Variants in NSUN6 observed in about 807,000 individuals in gnomAD.
NSUN6 encodes the protein tRNA (cytosine(72)-C(5))-methyltransferase NSUN6.
Under a neutral mutation model 58.0 loss-of-function variants are expected in NSUN6, and 64 were observed. The observed-to-expected ratio is 1.10, with a 90% CI of 0.90 to 1.36. The LOEUF is 1.36. Ranked by LOEUF, NSUN6 falls within the 40% of genes most tolerant of loss-of-function variation. The pLI is 0.00. For missense variants in NSUN6, 701 were observed against 550.1 expected (o/e 1.27, Z -2.74); for synonymous variants, 231 against 193.9 (o/e 1.19, Z -1.59).
chr10:18,604,682 A>C (rs11015099), intron 6 of NSUN6, among the ~76,000 whole-genome samples: 1 of 151,418 alleles, frequency 6.6e-6, no homozygotes, highest in African/African-American at 2.4e-5. Context: ...TCAGGAGTTC[A>C]AGACCAGCCT....
chr10:18,567,600 CATTCCATTCTCTATTCCATTCCATTCTCT>C (rs1366814768), intron 8 of NSUN6, among the ~76,000 whole-genome samples: 13 of 149,590 alleles, frequency 8.7e-5, no homozygotes, highest in Non-Finnish European at 1.6e-4. Flanking sequence ...TTCCATTCTC[CATTCCATTCTCTATTCCATTCCATTCTCT>C]ATTCCATTCT....
At chr10:18,554,503 T>A (rs758483822) in intron 8 of NSUN6, among the ~76,000 whole-genome samples, 28 of 148,508 alleles carry the variant, frequency 1.9e-4, no homozygotes, top group Non-Finnish European at 3.3e-4. Context: ...GAGAATGGAA[T>A]GGAATCAATC....
intron 3 of NSUN6, among the ~76,000 whole-genome samples, chr10:18,623,852 G>C (rs2058694636): frequency 6.6e-6 from 1 of 152,138 alleles, no homozygotes; most frequent in African/African-American, 2.4e-5. Context: ...TGCTCACCAG[G>C]ACTAGAGAAA....
intron 8 of NSUN6, among the ~76,000 whole-genome samples, chr10:18,584,645 C>T (rs1036254411): frequency 4.6e-5 from 7 of 152,240 alleles, no homozygotes; most frequent in East Asian, 3.9e-4. Flanking sequence ...AAATGACCCA[C>T]ATTTGATGAA....
At chr10:18,645,631 CTGATGT>C (rs2059524996) in intron 2 of NSUN6, among the ~76,000 whole-genome samples, 1 of 152,098 alleles carries the variant, frequency 6.6e-6, no homozygotes, top group South Asian at 2.1e-4. Flanking sequence ...TACTTAAGAG[CTGATGT>C]ATATTTGGAG....
chr10:18,555,223 T>A (rs979096848), intron 8 of NSUN6, among the ~76,000 whole-genome samples: 8 of 129,726 alleles, frequency 6.2e-5, no homozygotes, highest in African/African-American at 2.4e-4. Flanking sequence ...GAATGGAGGA[T>A]GAAATGGAAT....
intron 8 of NSUN6, among the ~76,000 whole-genome samples, chr10:18,554,709 G>T (rs117022702): frequency 0.049 from 7,360 of 150,862 alleles, 276 homozygotes; most frequent in Non-Finnish European, 0.078. Flanking sequence ...CAGAATGGAA[G>T]AGAGAATGCA....
chr10:18,566,382 T>C (rs150927871), intron 8 of NSUN6, among the ~76,000 whole-genome samples: 6 of 150,346 alleles, frequency 4.0e-5, no homozygotes, highest in African/African-American at 1.5e-4. Flanking sequence ...CATTCCATTC[T>C]CCATTCCATT....
chr10:18,628,453 C>G (rs532605147), intron 3 of NSUN6, among the ~76,000 whole-genome samples: 7 of 152,198 alleles, frequency 4.6e-5, no homozygotes, highest in Non-Finnish European at 1.0e-4. Flanking sequence ...GACCAAATTA[C>G]TCCGAGCTAC....
In NSUN6 at chr10:18,616,183, C is replaced by A; in HGVS notation, c.421+1G>T. On this transcript the variant is annotated splice_donor_variant, in intron 4 of 10. Transcript: ENST00000377304. LOFTEE classifies it high-confidence loss of function. ...AAGACAAATCTAAACATTATACTTA[C>A]ATTGTGATGCTGACACAATTCCTGG... The A allele has an allele frequency of 6.9e-7, 1 of 1,457,278 alleles. No homozygotes were observed. Among genetic ancestry groups the A allele is most frequent in the Non-Finnish European group, 9.6e-7 (1 of 1,038,770 alleles). The allele number at this position is 1,457,278 out of a possible 1,614,324, so 90.3% of individuals were successfully genotyped here. A position where few individuals can be genotyped will look rare whatever the true frequency, so the allele number is the denominator to read the frequency against.
intron 3 of NSUN6, among the ~76,000 whole-genome samples, chr10:18,621,105 GAACA>G (rs1392176509): frequency 6.6e-6 from 1 of 152,184 alleles, no homozygotes; most frequent in Non-Finnish European, 1.5e-5. Context: ...CTGAATTATT[GAACA>G]AACTATGATT....
At chr10:18,594,616 T>G (rs1248593727) in intron 7 of NSUN6, among the ~76,000 whole-genome samples, 1 of 151,918 alleles carries the variant, frequency 6.6e-6, no homozygotes, top group African/African-American at 2.4e-5. Flanking sequence ...GCCCAGCTAC[T>G]TTTTTTTGTA....
chr10:18,640,977 G>T (rs948104667), intron 3 of NSUN6, among the ~76,000 whole-genome samples: 1 of 151,750 alleles, frequency 6.6e-6, no homozygotes, highest in Non-Finnish European at 1.5e-5. Flanking sequence ...ACAGCTTCCA[G>T]ATGTTTTTTT....
intron 3 of NSUN6, among the ~76,000 whole-genome samples, chr10:18,628,864 G>A (rs1296309847): frequency 6.6e-6 from 1 of 152,168 alleles, no homozygotes; most frequent in African/African-American, 2.4e-5. Context: ...CCCCACTCTA[G>A]CAAGGCAGGC....
intron 8 of NSUN6, among the ~76,000 whole-genome samples, chr10:18,554,993 A>T (rs987726488): frequency 6.6e-6 from 1 of 151,084 alleles, no homozygotes; most frequent in African/African-American, 2.4e-5. Flanking sequence ...TGGAAAATGT[A>T]ATGGAGAATA....
chr10:18,651,867 CAGCCAAATGGCGTGGGTTGAGTGGAAGA>C, upstream of NSUN6: 2 of 985,426 alleles, frequency 2.0e-6, no homozygotes, highest in Non-Finnish European at 2.4e-6. Flanking sequence ...AATGGGGAAA[CAGCCAAATGGCGTGGGTTGAGTGGAAGA>C]TGTTGCTGGA....
chr10:18,622,687 C>G (rs1236616670), intron 3 of NSUN6, among the ~76,000 whole-genome samples: 1 of 152,090 alleles, frequency 6.6e-6, no homozygotes, highest in African/African-American at 2.4e-5. Context: ...CTAGCCTGGG[C>G]AACAAGAGCA....
chr10:18,622,443 G>T (rs1486123953), intron 3 of NSUN6, among the ~76,000 whole-genome samples: 1 of 152,216 alleles, frequency 6.6e-6, no homozygotes, highest in African/African-American at 2.4e-5. Context: ...GCTGCGCACA[G>T]TGGCTCATGC....
chr10:18,571,237 TC>T (rs201812400), intron 8 of NSUN6, among the ~76,000 whole-genome samples: 2,429 of 151,648 alleles, frequency 0.016, 43 homozygotes, highest in Middle Eastern at 0.037. Context: ...CATTCTTCAT[TC>T]CATTCCATTC....
Sources: gnomAD v4.1 joint callset for allele counts (sites outside exome capture counted in the v4.1 genomes callset) on GRCh38, gnomAD v4.1.1 for gene constraint, MANE v1.5 for transcripts, NCBI Gene and HGNC (gene_info 2026-07-23, HGNC 2026-07-21) for gene names.